The following EOLA1 variants were observed in gnomAD, a reference collection of about 807,000 sequenced individuals.
The protein encoded by EOLA1 is endothelium and lymphocyte associated ASCH domain 1, also known as protein EOLA1.
Under a neutral mutation model 4.5 loss-of-function variants are expected in EOLA1, and 1 was observed. The observed-to-expected ratio is 0.22, with a 90% CI of 0.08 to 1.05. The LOEUF (loss-of-function observed/expected upper bound fraction) is 1.05, where lower values mean the gene tolerates loss of function less well. Ranked by LOEUF, EOLA1 falls within the 50% of genes least tolerant of loss-of-function variation. The pLI is 0.57. For missense variants in EOLA1, 69 were observed against 127.2 expected (o/e 0.54, Z 2.20); for synonymous variants, 37 against 52.3 (o/e 0.71, Z 1.26).
rs782686782 is a variant in EOLA1 at position 149,546,073 on chromosome X, T to C, written c.253+190T>C. Among the ~76,000 whole-genome samples the C allele has an allele frequency of 2.0e-3, 216 of 107,474 alleles. 1 individual carries two copies. Among genetic ancestry groups the C allele is most frequent in the Non-Finnish European group, 3.2e-3 (162 of 50,633 alleles). The allele number at this position is 107,474 out of a possible 115,157, so 93.3% of individuals were successfully genotyped here. A position where few individuals can be genotyped will look rare whatever the true frequency, so the allele number is the denominator to read the frequency against. On this transcript the variant is annotated intron_variant, in intron 4 of 4. Transcript: ENST00000393985. ...GGTTGGTATGGCTGGCTTCCACGAG[T>C]TCTGGTAAATCATTTCTCCACTCTG... is the stretch of plus-strand genomic sequence containing the variant.
intron 1 of EOLA1, 97 bp from the exon 2 acceptor site, chrX:149,541,922 C>A (rs2089737034): frequency 1.7e-6 from 1 of 604,997 alleles, no homozygotes; most frequent in African/African-American, 2.5e-5. Context: ...TTCTTGGTTT[C>A]CAATGCCTGC....
Position 149,542,050 on chromosome X carries a change from C to T in EOLA1, c.-198C>T. On this transcript the variant is annotated 5_prime_UTR_variant, in exon 2 of 5. Coordinates refer to ENST00000393985, the MANE Select transcript of EOLA1 (RefSeq NM_001171907.3). ...AAGCTAAGTGGAAGAGTGTTTCCTC[C>T]TCTGGCCGTAAAGCAGGTACTCTCT... 1 of 754,065 alleles carries T rather than the reference C, an allele frequency of 1.3e-6. No individual in the cohort carries two copies. Among genetic ancestry groups the T allele is most frequent in the Non-Finnish European group, 1.6e-6 (1 of 637,525 alleles). 62.1% of individuals were successfully genotyped at this position (754,065 alleles called of 1,213,427 possible).
At chrX:149,549,371 A>G (rs1420262577), downstream of EOLA1, 5 of 1,156,910 alleles carry the variant, frequency 4.3e-6, no homozygotes, top group Non-Finnish European at 5.7e-6. Context: ...CTACTTTACC[A>G]TCATTTTCTT....
At position 149,545,685 on chromosome X, in the gene EOLA1, G is replaced by A. The variant is rs782581795; in HGVS notation, c.55G>A (p.Gly19Arg). The A allele has an allele frequency of 4.5e-5, 55 of 1,210,445 alleles. No individual in the cohort carries two copies. Among genetic ancestry groups the A allele is most frequent in the Non-Finnish European group, 5.6e-5 (50 of 895,048 alleles). ...RQPYAGFVLNGIKTVETRWRP... is the reference protein window; with the variant it reads ...RQPYAGFVLNRIKTVETRWRP... ...GCCTTATGCTGGCTTTGTCTTAAAT[G>A]GAATCAAGACTGTGGAGACGCGCTG... The change falls in exon 4 of 5, where the codon GGA becomes AGA. Residue 19 changes from glycine (G) to arginine (R), a missense_variant. Physicochemically the swap from Gly to Arg is moderately radical, Grantham distance 125. Coordinates refer to ENST00000393985, the MANE Select transcript of EOLA1 (RefSeq NM_001171907.3).
At chrX:149,543,717 T>G in intron 2 of EOLA1, among the ~76,000 whole-genome samples, 2 of 86,291 alleles carry the variant, frequency 2.3e-5, no homozygotes, top group Non-Finnish European at 4.8e-5. Context: ...CTCACAGAGG[T>G]GGAAGGGAGG....
intron 2 of EOLA1, 41 bp from the exon 3 acceptor site, chrX:149,545,327 T>C (rs1301757293): frequency 9.9e-7 from 1 of 1,005,193 alleles, no homozygotes; most frequent in Non-Finnish European, 1.3e-6. Flanking sequence ...ACCTCTGTCA[T>C]AGCACTGACC....
At chrX:149,549,437 C>T (rs1557348509), downstream of EOLA1, 4 of 1,162,423 alleles carry the variant, frequency 3.4e-6, no homozygotes, top group East Asian at 3.3e-5. Flanking sequence ...GTTCAGCTGG[C>T]GAATGAAACT....
rs782630949 is a variant in EOLA1 at position 149,544,339 on chromosome X, G to C, written c.-162-1029G>C. Among the ~76,000 whole-genome samples, 475 of 79,053 alleles carry C rather than the reference G, an allele frequency of 6.0e-3. 12 individuals are homozygous for C. Among genetic ancestry groups the C allele is most frequent in the African/African-American group, 0.023 (452 of 19,500 alleles). The allele number at this position is 79,053 out of a possible 115,157, so 68.6% of individuals were successfully genotyped here. ...ATACCAGGCAGCTTTGGCCCTATCAGGGCTTTGTCTCATGAGGGTGGGTAT... is the reference window on the plus strand; with the variant it reads ...ATACCAGGCAGCTTTGGCCCTATCACGGCTTTGTCTCATGAGGGTGGGTAT... On this transcript the variant is annotated intron_variant, in intron 2 of 4. Coordinates refer to ENST00000393985, the MANE Select transcript of EOLA1 (RefSeq NM_001171907.3).
At chrX:149,543,497 G>C (rs1361669387) in intron 2 of EOLA1, among the ~76,000 whole-genome samples, 2 of 59,130 alleles carry the variant, frequency 3.4e-5, no homozygotes, top group East Asian at 8.2e-4. Context: ...TGCTGGGGGG[G>C]GGTGGGGGTG....
chrX:149,548,419 A>T (rs1557348387), downstream of EOLA1: 1 of 932,249 alleles, frequency 1.1e-6, no homozygotes, highest in African/African-American at 2.1e-5. Flanking sequence ...CAGAGGGCTC[A>T]TTTGGAGACA....
At chrX:149,545,191 A>T in intron 2 of EOLA1, 177 bp from the exon 3 acceptor site, 1 of 557,921 alleles carries the variant, frequency 1.8e-6, no homozygotes, top group Non-Finnish European at 2.2e-6. Flanking sequence ...CAGCAGGGGA[A>T]AGGGAAGAGA....
chrX:149,544,478 C>T lies in EOLA1; in HGVS notation c.-162-890C>T, dbSNP rs1488552928. On this transcript the variant is annotated intron_variant, in intron 2 of 4. Coordinates refer to ENST00000393985, the MANE Select transcript of EOLA1 (RefSeq NM_001171907.3). ...GAGTTCAGGGCCGGGGGCGGGGCCA[C>T]GGGCCTGAGGGGTGAGGGCAGCCAC... 1.5e-5 allele frequency: 11 copies of T among 745,765 alleles called. No homozygotes were observed. In the South Asian group the frequency reaches 2.1e-4, roughly 14 times the overall value. 61.5% of individuals were successfully genotyped at this position (745,765 alleles called of 1,213,427 possible).
chrX:149,547,094 C>T lies in EOLA1; in HGVS notation c.*132C>T. ...TTCCACTGCTTTGGAGAGTCCCACC[C>T]ACTAAGCACTGTGCATGTAAACAGG... On this transcript the variant is annotated 3_prime_UTR_variant, in exon 5 of 5. Transcript: ENST00000393985. The T allele has an allele frequency of 5.4e-6, 6 of 1,110,458 alleles. No individual in the cohort carries two copies. In the South Asian group the frequency reaches 1.4e-4, roughly 26 times the overall value. 91.5% of individuals were successfully genotyped at this position (1,110,458 alleles called of 1,213,427 possible).
intron 2 of EOLA1, among the ~76,000 whole-genome samples, chrX:149,542,382 G>A (rs1281143474): frequency 9.2e-6 from 1 of 109,049 alleles, no homozygotes; most frequent in Non-Finnish European, 1.9e-5. Context: ...CCACAAGTGT[G>A]TGAGGAAATG....
chrX:149,548,418 C>T, downstream of EOLA1: 1 of 933,567 alleles, frequency 1.1e-6, no homozygotes. Context: ...TCAGAGGGCT[C>T]ATTTGGAGAC....
chrX:149,542,265 A>G (rs2089744181), intron 2 of EOLA1, among the ~76,000 whole-genome samples, 180 bp downstream of exon 2: 1 of 111,895 alleles, frequency 8.9e-6, no homozygotes, highest in Non-Finnish European at 1.9e-5. Flanking sequence ...TCCCGATGGA[A>G]GTGGCCAGGC....
Position 149,541,356 on chromosome X carries a change from T to A in EOLA1, c.-230+13T>A, listed in dbSNP as rs1221548335. ...CTTCTTGCGGACGGTACCTGAGGGC[T>A]GGGGTTTCCCTGGATGTGGGGCTGG... On this transcript the variant is annotated intron_variant, in intron 1 of 4. Coordinates refer to ENST00000393985, the MANE Select transcript of EOLA1 (RefSeq NM_001171907.3). 1 of 113,998 alleles carries A rather than the reference T, an allele frequency of 8.8e-6. No individual in the cohort carries two copies. Among genetic ancestry groups the A allele is most frequent in the Non-Finnish European group, 1.9e-5 (1 of 53,384 alleles). The allele number at this position is 113,998 out of a possible 1,213,427, so 9.4% of individuals were successfully genotyped here.
Position 149,543,490 on chromosome X carries a change from T to TG in EOLA1, c.-163+1414dup, listed in dbSNP as rs1557346732. Among the ~76,000 whole-genome samples, 105 of 10,563 alleles carry TG rather than the reference T, an allele frequency of 9.9e-3. 2 individuals are homozygous for TG. Among genetic ancestry groups the TG allele is most frequent in the African/African-American group, 0.016 (23 of 1,432 alleles). 9.2% of individuals were successfully genotyped at this position (10,563 alleles called of 115,157 possible). ...TCACAAGAGTGCAGAGGACAAGTGCTGGGGGGGGGTGGGGGTGCTATCAGG... is the reference window on the plus strand; with the variant it reads ...TCACAAGAGTGCAGAGGACAAGTGCTGGGGGGGGGGTGGGGGTGCTATCAGG... On this transcript the variant is annotated intron_variant, in intron 2 of 4. Transcript: ENST00000393985.
chrX:149,545,420 G>C lies in EOLA1; in HGVS notation c.-110G>C. On this transcript the variant is annotated 5_prime_UTR_variant, in exon 3 of 5. Coordinates refer to ENST00000393985, the MANE Select transcript of EOLA1 (RefSeq NM_001171907.3). ...CAAAGACTCCATGGGATGGACCTGA[G>C]TCAGCCGAATCCCAGCCCCTTCCCT... 9.2e-7 allele frequency: 1 copy of C among 1,083,242 alleles called. No individual in the cohort carries two copies. Among genetic ancestry groups the C allele is most frequent in the Non-Finnish European group, 1.2e-6 (1 of 836,457 alleles). The allele number at this position is 1,083,242 out of a possible 1,213,427, so 89.3% of individuals were successfully genotyped here.
Sources: gnomAD v4.1 joint callset for allele counts (sites outside exome capture counted in the v4.1 genomes callset) on GRCh38, gnomAD v4.1.1 for gene constraint, MANE v1.5 for transcripts, NCBI Gene and HGNC (gene_info 2026-07-23, HGNC 2026-07-21) for gene names.